PRKCE: variants seen among roughly 807,000 people sequenced by gnomAD.
PRKCE encodes the protein protein kinase C epsilon type.
PRKCE carries 16 observed loss-of-function variants against 85.4 expected under a neutral mutation model. That is an observed-to-expected ratio of 0.19 (90% CI 0.13 to 0.28). The LOEUF (loss-of-function observed/expected upper bound fraction) is 0.28, where lower values mean the gene tolerates loss of function less well. Among genes scored for constraint, PRKCE ranks in the 10% least tolerant of loss-of-function variants. The pLI is 1.00. For synonymous variants in PRKCE, 388 were observed against 371.5 expected, an observed-to-expected ratio of 1.04 and a Z score of -0.51; for missense variants, 573 against 975.2, an observed-to-expected ratio of 0.59 and a Z score of 5.49.
intron 11 of PRKCE, among the ~76,000 whole-genome samples, chr2:46,118,117 A>C (rs1672953855): frequency 6.6e-6 from 1 of 152,234 alleles, no homozygotes; most frequent in African/African-American, 2.4e-5. Context: ...TTGAAGAATA[A>C]ATGGTCAGAA....
intron 2 of PRKCE, among the ~76,000 whole-genome samples, chr2:45,934,990 G>A (rs537092501): frequency 3.3e-5 from 5 of 152,112 alleles, no homozygotes; most frequent in African/African-American, 1.2e-4. Context: ...GATCGTGGGA[G>A]GTTGAGGCTG....
At chr2:45,688,372 G>A (rs1347970119) in intron 1 of PRKCE, among the ~76,000 whole-genome samples, 2 of 152,156 alleles carry the variant, frequency 1.3e-5, no homozygotes, top group Admixed American at 6.5e-5. Context: ...ATTCATGGAT[G>A]TTCAAACTTT....
intron 10 of PRKCE, among the ~76,000 whole-genome samples, chr2:46,016,064 T>G (rs188174133): frequency 6.6e-6 from 1 of 152,302 alleles, no homozygotes; most frequent in East Asian, 1.9e-4. Context: ...ACAGGCTTAG[T>G]GTTGGCAGAA....
At chr2:45,954,043 T>G (rs1311263473) in intron 2 of PRKCE, among the ~76,000 whole-genome samples, 2 of 152,214 alleles carry the variant, frequency 1.3e-5, no homozygotes, top group Admixed American at 1.3e-4. Flanking sequence ...ATTACAAAAT[T>G]TAAAAAGACT....
chr2:46,109,913 G>A (rs1181839993), intron 11 of PRKCE, among the ~76,000 whole-genome samples: 1 of 151,988 alleles, frequency 6.6e-6, no homozygotes, highest in African/African-American at 2.4e-5. Context: ...TAATGAATGG[G>A]TATTGGATTT....
At chr2:46,027,605 C>G (rs1707212302) in intron 10 of PRKCE, among the ~76,000 whole-genome samples, 1 of 152,146 alleles carries the variant, frequency 6.6e-6, no homozygotes, top group Non-Finnish European at 1.5e-5. Context: ...TGAAAGCATC[C>G]AAACTGTCAT....
rs1021744534 is a variant in PRKCE at position 45,907,680 on chromosome 2, G to A, written c.412+64617G>A. Among the ~76,000 whole-genome samples the A allele has an allele frequency of 2.6e-5, 4 of 152,124 alleles. No individual in the cohort carries two copies. The highest frequency in any genetic ancestry group is 1.9e-4 in the East Asian group (1 of 5,192). On this transcript the variant is annotated intron_variant, in intron 2 of 14. Coordinates refer to ENST00000306156, the MANE Select transcript of PRKCE (RefSeq NM_005400.3). The surrounding 1 kb of genome is among the most constrained non-coding windows in gnomAD (Gnocchi z 4.5). ...GAAGGAGCATGAGCCCACATCTGCC[G>A]TGGCCACCTCTCCAAGGCCAAGTGG...
Position 45,984,455 on chromosome 2 carries a change from A to G in PRKCE, c.694-96A>G. 8 of 1,522,808 alleles carry G rather than the reference A, an allele frequency of 5.3e-6. No homozygotes were observed. In the South Asian group the frequency reaches 8.7e-5, roughly 17 times the overall value. The allele number at this position is 1,522,808 out of a possible 1,614,324, so 94.3% of individuals were successfully genotyped here. On this transcript the variant is annotated intron_variant, in intron 5 of 14. Transcript: ENST00000306156. ...AGGGCCTGCCACCTACAATGACACAAGCTCTCTTGGAAAAAGTTCTTTGAG... is the reference window on the plus strand; with the variant it reads ...AGGGCCTGCCACCTACAATGACACAGGCTCTCTTGGAAAAAGTTCTTTGAG...
chr2:46,070,078 T>C (rs1003560573), intron 10 of PRKCE, among the ~76,000 whole-genome samples: 2 of 152,218 alleles, frequency 1.3e-5, no homozygotes, highest in Non-Finnish European at 2.9e-5. Context: ...TACAGTGACG[T>C]CCAGATGGTG....
chr2:46,150,736 A>G (rs1376994274), intron 12 of PRKCE, among the ~76,000 whole-genome samples: 1 of 152,164 alleles, frequency 6.6e-6, no homozygotes, highest in Non-Finnish European at 1.5e-5. Flanking sequence ...CAAAATATGC[A>G]GTTTTTTAAA....
intron 2 of PRKCE, among the ~76,000 whole-genome samples, chr2:45,966,225 T>G (rs964020978): frequency 6.6e-6 from 1 of 152,232 alleles, no homozygotes; most frequent in Non-Finnish European, 1.5e-5. Context: ...TGCTTACATA[T>G]TGCATGAATA....
intron 2 of PRKCE, among the ~76,000 whole-genome samples, chr2:45,864,696 A>G (rs1693443048): frequency 1.3e-5 from 2 of 152,190 alleles, no homozygotes; most frequent in Non-Finnish European, 2.9e-5. Flanking sequence ...CTCCCCAACC[A>G]TTCCTATGGA....
At chr2:45,911,708 G>T (rs1441661513) in intron 2 of PRKCE, among the ~76,000 whole-genome samples, 2 of 152,188 alleles carry the variant, frequency 1.3e-5, no homozygotes, top group Admixed American at 1.3e-4. Context: ...TGGAGGGATT[G>T]CCCCACAACG....
At chr2:45,945,008 G>T (rs1426759481) in intron 2 of PRKCE, among the ~76,000 whole-genome samples, 1 of 151,840 alleles carries the variant, frequency 6.6e-6, no homozygotes, top group East Asian at 1.9e-4. Context: ...TCCACTTCTT[G>T]TTCCTCTTTC....
At chr2:45,892,877 T>G (rs1300390549) in intron 2 of PRKCE, among the ~76,000 whole-genome samples, 1 of 152,190 alleles carries the variant, frequency 6.6e-6, no homozygotes, top group Non-Finnish European at 1.5e-5. Flanking sequence ...ACCAGAAATG[T>G]GCAGCAGTCA....
intron 1 of PRKCE, among the ~76,000 whole-genome samples, chr2:45,841,644 C>T (rs183466216): frequency 6.6e-6 from 1 of 152,200 alleles, no homozygotes; most frequent in Non-Finnish European, 1.5e-5. Flanking sequence ...CACCCAGTAA[C>T]AATGCTTTGC....
Position 46,001,363 on chromosome 2 carries a change from C to T in PRKCE, c.824-41C>T. ...CAAAGAAAAGAAGCAACATCTTAGG[C>T]CATGAACACTTATCTGTCTTTTCTC... is the stretch of plus-strand genomic sequence containing the variant. On this transcript the variant is annotated intron_variant, in intron 6 of 14. Transcript: ENST00000306156. This position sits in a 1 kb window ranked among gnomAD's most constrained non-coding sequence, Gnocchi z 4.4. The T allele has an allele frequency of 6.4e-7, 1 of 1,569,872 alleles. No homozygotes were observed. Among genetic ancestry groups the T allele is most frequent in the Non-Finnish European group, 8.6e-7 (1 of 1,159,452 alleles).
intron 1 of PRKCE, among the ~76,000 whole-genome samples, chr2:45,725,587 C>G (rs1354407540): frequency 6.6e-6 from 1 of 152,154 alleles, no homozygotes; most frequent in Admixed American, 6.5e-5. Context: ...AATCCCAGCA[C>G]TTTGGGAGAC....
At chr2:46,033,168 G>A (rs1468695851) in intron 10 of PRKCE, among the ~76,000 whole-genome samples, 1 of 152,198 alleles carries the variant, frequency 6.6e-6, no homozygotes, top group African/African-American at 2.4e-5. Flanking sequence ...AGGAGAAAAG[G>A]TGAACCAAAC....
Sources: allele counts gnomAD v4.1 joint callset (sites outside exome capture counted in the v4.1 genomes callset), GRCh38; gene constraint gnomAD v4.1.1; non-coding constraint Gnocchi (gnomAD v3.1); transcripts MANE v1.5; gene names NCBI Gene and HGNC (gene_info 2026-07-23, HGNC 2026-07-21).